Variants in CRHR1 observed in about 807,000 individuals in gnomAD.
CRHR1 encodes the protein corticotropin-releasing hormone receptor 1.
CRHR1 carries 28 observed loss-of-function variants against 56.0 expected under a neutral mutation model. The ratio of observed to expected loss-of-function variants is 0.50; its 90% confidence interval spans 0.37 to 0.69. CRHR1 has a LOEUF of 0.69. Ranked by LOEUF, CRHR1 falls within the 30% of genes least tolerant of loss-of-function variation. The pLI is 0.00. For missense variants in CRHR1, 376 were observed against 548.0 expected (o/e 0.69, Z 3.13); for synonymous variants, 195 against 216.5 (o/e 0.90, Z 0.87).
At chr17:45,808,245 G>GGT (rs2061755744) in intron 2 of CRHR1, among the ~76,000 whole-genome samples, 1 of 152,240 alleles carries the variant, frequency 6.6e-6, no homozygotes, top group African/African-American at 2.4e-5. Context: ...AGTGTCTGCA[G>GGT]GCGGGCAGGA....
At chr17:45,806,592 G>A (rs1431345869) in intron 1 of CRHR1, among the ~76,000 whole-genome samples, 5 of 152,222 alleles carry the variant, frequency 3.3e-5, no homozygotes, top group African/African-American at 4.8e-5. Flanking sequence ...CGGCCATGGT[G>A]GTCAGCGGGC....
Position 45,830,184 on chromosome 17 carries a change from C to A in CRHR1, c.525C>A (p.Thr175=). ...RNATWFVVQL[T]MSPEVHQSNV... ...CCACCTGGTTCGTGGTCCAGCTAAC[C>A]ATGAGCCCCGAGGTCCACCAGAGCA... Residue 175 remains threonine (T), a synonymous_variant, in exon 6 of 13, where the codon ACC becomes ACA. Transcript: ENST00000314537. The A allele has an allele frequency of 6.2e-7, 1 of 1,614,156 alleles. No individual in the cohort carries two copies. The highest frequency in any genetic ancestry group is 8.5e-7 in the Non-Finnish European group (1 of 1,180,014).
At chr17:45,825,406 TCCCCACCGTCCAGCCTTC>T (rs1471101268) in intron 4 of CRHR1, 1 of 154,492 alleles carries the variant, frequency 6.5e-6, no homozygotes, top group African/African-American at 2.4e-5. Context: ...TTCACTCCCT[TCCCCACCGTCCAGCCTTC>T]CCCCACCCAC....
At position 45,833,207 on chromosome 17, in the gene CRHR1, G is replaced by A. The variant is rs375302875; in HGVS notation, c.840G>A (p.Leu280=). ...ACCAGGGCCCCATGATCCTGGTCCT[G>A]CTGGTAAGAACCTGGGTAGGGGCAG... ...YIYQGPMILV[L]LINFIFLFNI... The change falls in exon 9 of 13, where the codon CTG becomes CTA. Residue 280 remains leucine, a synonymous_variant. Transcript: ENST00000314537. 16 of 1,614,034 alleles carry A rather than the reference G, an allele frequency of 9.9e-6. No homozygotes were observed. The highest frequency in any genetic ancestry group is 1.4e-5 in the Non-Finnish European group (16 of 1,179,936).
intron 2 of CRHR1, among the ~76,000 whole-genome samples, chr17:45,815,657 T>G (rs991146091): frequency 3.9e-5 from 6 of 152,210 alleles, no homozygotes; most frequent in African/African-American, 1.4e-4. Context: ...CTGATCTGGT[T>G]CAACCACTTG....
At chr17:45,787,579 C>T (rs527963633) in intron 1 of CRHR1, among the ~76,000 whole-genome samples, 1 of 152,360 alleles carries the variant, frequency 6.6e-6, no homozygotes, top group South Asian at 2.1e-4. Context: ...ATAACCCCCA[C>T]AGGTCCCCTT....
At chr17:45,786,130 T>TC (rs1555647188) in intron 1 of CRHR1, among the ~76,000 whole-genome samples, 3 of 151,386 alleles carry the variant, frequency 2.0e-5, no homozygotes, top group African/African-American at 7.3e-5. Context: ...TTCTTTTCTT[T>TC]TTTTTTTTTT....
At chr17:45,826,383 A>C (rs2062161947) in intron 4 of CRHR1, 1 of 152,246 alleles carries the variant, frequency 6.6e-6, no homozygotes, top group Non-Finnish European at 1.5e-5. Flanking sequence ...TATTTGTCTC[A>C]GGGTATCAGC....
intron 1 of CRHR1, among the ~76,000 whole-genome samples, chr17:45,788,830 G>A (rs2061379057): frequency 1.3e-5 from 2 of 152,202 alleles, no homozygotes; most frequent in Non-Finnish European, 2.9e-5. Context: ...CTTCATGGAT[G>A]AGTTTATTGT....
intron 4 of CRHR1, among the ~76,000 whole-genome samples, chr17:45,822,381 C>T (rs2062060418): frequency 6.6e-6 from 1 of 152,228 alleles, no homozygotes; most frequent in Admixed American, 6.5e-5. Context: ...GTCTCTCCCA[C>T]CCTGTCTCCT....
chr17:45,801,292 T>C (rs1219024015), intron 1 of CRHR1, among the ~76,000 whole-genome samples: 1 of 152,182 alleles, frequency 6.6e-6, no homozygotes, highest in Non-Finnish European at 1.5e-5. Flanking sequence ...TCATGGTTCA[T>C]CTCCTTGAAA....
rs568604148 is a variant in CRHR1 at position 45,787,856 on chromosome 17, G to A, written c.33+3279G>A. Among the ~76,000 whole-genome samples, 714 of 152,350 alleles carry A rather than the reference G, an allele frequency of 4.7e-3. 3 individuals are homozygous for A. The highest frequency in any genetic ancestry group is 7.5e-3 in the Non-Finnish European group (511 of 68,026). On this transcript the variant is annotated intron_variant, in intron 1 of 12. Transcript: ENST00000314537. ...GAGGAACGCGAAACAGTGAGCCCAG[G>A]GTGGGCCAGTGGGCTGCTGTGGCGT...
At chr17:45,824,485 C>T (rs1247560849) in intron 4 of CRHR1, among the ~76,000 whole-genome samples, 2 of 152,262 alleles carry the variant, frequency 1.3e-5, no homozygotes, top group East Asian at 1.9e-4. Flanking sequence ...TGGGGACACT[C>T]GGCAGCCCCC....
At chr17:45,801,404 G>A (rs572164530) in intron 1 of CRHR1, among the ~76,000 whole-genome samples, 97 of 152,274 alleles carry the variant, frequency 6.4e-4, no homozygotes, top group African/African-American at 2.2e-3. Context: ...CATGATACCC[G>A]CCCAGTCTGC....
At chr17:45,786,918 GGCATGAGCCACCAT>G (rs2061347517) in intron 1 of CRHR1, among the ~76,000 whole-genome samples, 1 of 152,144 alleles carries the variant, frequency 6.6e-6, no homozygotes, top group Non-Finnish European at 1.5e-5. Flanking sequence ...TAGGATTACA[GGCATGAGCCACCAT>G]GCCCGGCCAT....
At chr17:45,828,081 A>G (rs968773002) in intron 4 of CRHR1, among the ~76,000 whole-genome samples, 4 of 151,922 alleles carry the variant, frequency 2.6e-5, no homozygotes, top group African/African-American at 9.7e-5. Flanking sequence ...GCTTTTCAAC[A>G]CCCGTCTTTC....
At chr17:45,832,894 C>T (rs1466795816) in intron 8 of CRHR1, among the ~76,000 whole-genome samples, 1 of 152,270 alleles carries the variant, frequency 6.6e-6, no homozygotes, top group East Asian at 1.9e-4. Context: ...CACTGTCTAC[C>T]TCCTGCCCCG....
intron 4 of CRHR1, among the ~76,000 whole-genome samples, chr17:45,822,654 C>T (rs1320874084): frequency 6.6e-6 from 1 of 152,182 alleles, no homozygotes; most frequent in Non-Finnish European, 1.5e-5. Context: ...AGTTCAAGAC[C>T]AGCCTGTCCA....
At position 45,835,008 on chromosome 17, in the gene CRHR1, C is replaced by A; in HGVS notation, c.*244C>A. On this transcript the variant is annotated 3_prime_UTR_variant, in exon 13 of 13. Transcript: ENST00000314537. ...GGGCCTCTGGCTTCCCTGCCCAATC[C>A]TCCCTGGAGAAGGGACATGGGAATG... 1 of 561,690 alleles carries A rather than the reference C, an allele frequency of 1.8e-6. No individual in the cohort carries two copies. The highest frequency in any genetic ancestry group is 2.6e-5 in the South Asian group (1 of 39,050). 34.8% of individuals were successfully genotyped at this position (561,690 alleles called of 1,614,324 possible).
Sources: gnomAD v4.1 joint callset for allele counts (sites outside exome capture counted in the v4.1 genomes callset) on GRCh38, gnomAD v4.1.1 for gene constraint, MANE v1.5 for transcripts, NCBI Gene and HGNC (gene_info 2026-07-23, HGNC 2026-07-21) for gene names.